The following ADK variants were observed in gnomAD, a reference collection of about 807,000 sequenced individuals.
ADK encodes N6,N6-dimethyladenosine kinase.
A neutral mutation model predicts 44.7 loss-of-function variants in ADK; 24 were observed. The ratio of observed to expected loss-of-function variants is 0.54; its 90% CI spans 0.39 to 0.76. The LOEUF (loss-of-function observed/expected upper bound fraction) is 0.76, where lower values mean the gene tolerates loss of function less well. ADK is among the 30% of genes least tolerant of loss of function. ADK has a pLI of 0.00. For missense variants in ADK, 321 were observed against 425.1 expected (o/e 0.76, Z 2.15); for synonymous variants, 128 against 142.6 (o/e 0.90, Z 0.73).
At chr10:74,546,671 G>A (rs1849828513) in intron 7 of ADK, among the ~76,000 whole-genome samples, 1 of 151,990 alleles carries the variant, frequency 6.6e-6, no homozygotes. Flanking sequence ...AAACTTATTT[G>A]ATATTCATTT....
chr10:74,480,953 T>G (rs1159799025), intron 6 of ADK, among the ~76,000 whole-genome samples: 1 of 152,242 alleles, frequency 6.6e-6, no homozygotes, highest in Non-Finnish European at 1.5e-5. Context: ...CTTCTTTTCC[T>G]GTCTTCCATT....
intron 4 of ADK, among the ~76,000 whole-genome samples, chr10:74,390,180 A>G (rs1213142635): frequency 6.6e-6 from 1 of 152,134 alleles, no homozygotes; most frequent in Non-Finnish European, 1.5e-5. Flanking sequence ...TACTTTCACT[A>G]AATTTAATAA....
intron 6 of ADK, among the ~76,000 whole-genome samples, chr10:74,470,021 C>A (rs1846506284): frequency 6.7e-6 from 1 of 148,808 alleles, no homozygotes; most frequent in African/African-American, 2.5e-5. Context: ...GTATATATAC[C>A]ACCTTTTTTT....
intron 3 of ADK, among the ~76,000 whole-genome samples, chr10:74,270,725 A>G (rs1846398335): frequency 1.3e-5 from 2 of 152,230 alleles, no homozygotes. Context: ...TCTGGGCATC[A>G]ATATTAGATG....
intron 1 of ADK, among the ~76,000 whole-genome samples, chr10:74,193,728 C>T (rs1176812694): frequency 1.3e-5 from 2 of 151,966 alleles, no homozygotes; most frequent in Non-Finnish European, 1.5e-5. Context: ...GTGATTGCAC[C>T]ACTGCCCTCC....
chr10:74,342,923 C>A (rs10824153), intron 4 of ADK, among the ~76,000 whole-genome samples: 97,956 of 151,866 alleles, frequency 0.65, 32,899 homozygotes, highest in Middle Eastern at 0.79. Context: ...TCATCTGTGA[C>A]TATAGTTGTG....
intron 7 of ADK, among the ~76,000 whole-genome samples, chr10:74,565,876 ATTGG>A (rs1049418429): frequency 3.9e-5 from 6 of 152,182 alleles, no homozygotes; most frequent in Non-Finnish European, 5.9e-5. Flanking sequence ...TAAAATACAA[ATTGG>A]TTGTATAATA....
At chr10:74,522,036 A>C (rs1354886280) in intron 6 of ADK, among the ~76,000 whole-genome samples, 1 of 152,214 alleles carries the variant, frequency 6.6e-6, no homozygotes, top group African/African-American at 2.4e-5. Flanking sequence ...GAGAAAAAGT[A>C]ACATATTTTC....
chr10:74,307,748 T>C (rs1840305744), intron 3 of ADK, among the ~76,000 whole-genome samples: 1 of 152,208 alleles, frequency 6.6e-6, no homozygotes, highest in Admixed American at 6.5e-5. Context: ...AATATTTCTA[T>C]GGTCAGAGAA....
At chr10:74,218,870 A>G (rs1844172693) in intron 2 of ADK, among the ~76,000 whole-genome samples, 1 of 152,224 alleles carries the variant, frequency 6.6e-6, no homozygotes, top group Non-Finnish European at 1.5e-5. Context: ...TGAAGGAAGC[A>G]CTAAACAAGG....
chr10:74,654,221 A>G (rs1323950076), intron 9 of ADK, among the ~76,000 whole-genome samples: 1 of 152,218 alleles, frequency 6.6e-6, no homozygotes. Flanking sequence ...TGATTTTAAG[A>G]AGGGTCACAT....
chr10:74,568,265 C>T (rs959743990), intron 7 of ADK, among the ~76,000 whole-genome samples: 9 of 152,078 alleles, frequency 5.9e-5, no homozygotes, highest in African/African-American at 2.2e-4. Context: ...GATTGGACAT[C>T]CTTTATGTAT....
chr10:74,494,901 C>T (rs533703014), intron 6 of ADK, among the ~76,000 whole-genome samples: 26 of 152,232 alleles, frequency 1.7e-4, no homozygotes, highest in African/African-American at 5.5e-4. Context: ...ATTTTGAGAA[C>T]CAAAGTGTCT....
chr10:74,356,458 T>C (rs961542740), intron 4 of ADK, among the ~76,000 whole-genome samples: 1 of 152,224 alleles, frequency 6.6e-6, no homozygotes, highest in Non-Finnish European at 1.5e-5. Flanking sequence ...AATAGATTAA[T>C]TAGAATAAAT....
At chr10:74,592,342 C>T (rs1851753793) in intron 8 of ADK, among the ~76,000 whole-genome samples, 1 of 151,810 alleles carries the variant, frequency 6.6e-6, no homozygotes, top group Admixed American at 6.6e-5. Flanking sequence ...ATTAAATGTT[C>T]GTATTTTTAG....
intron 10 of ADK, among the ~76,000 whole-genome samples, chr10:74,675,203 T>C (rs1855343238): frequency 6.6e-6 from 1 of 152,214 alleles, no homozygotes; most frequent in Non-Finnish European, 1.5e-5. Context: ...AAGTTTTGGA[T>C]AAAGTATCAC....
intron 7 of ADK, among the ~76,000 whole-genome samples, chr10:74,551,211 C>T (rs1407586674): frequency 6.6e-6 from 1 of 152,094 alleles, no homozygotes; most frequent in Non-Finnish European, 1.5e-5. Flanking sequence ...AGTGGATATT[C>T]ATATGGAAAA....
chr10:74,667,022 G>T (rs1490008257), intron 9 of ADK, among the ~76,000 whole-genome samples: 1 of 151,724 alleles, frequency 6.6e-6, no homozygotes. Flanking sequence ...ATAGAGACAG[G>T]GTTTTACCAT....
chr10:74,303,706 G>A (rs1480099617), intron 3 of ADK, among the ~76,000 whole-genome samples: 1 of 146,378 alleles, frequency 6.8e-6, no homozygotes, highest in Admixed American at 7.2e-5. Context: ...AGTGGCTAAC[G>A]CCTGTAATCC....
Sources: allele counts gnomAD v4.1 joint callset (sites outside exome capture counted in the v4.1 genomes callset), GRCh38; gene constraint gnomAD v4.1.1; transcripts MANE v1.5; gene names NCBI Gene and HGNC (gene_info 2026-07-23, HGNC 2026-07-21).